Variants in STARD13 observed in about 807,000 individuals in gnomAD.
STARD13 encodes StAR related lipid transfer domain containing 13.
STARD13 carries 62 observed loss-of-function variants against 106.4 expected under a neutral mutation model. The observed-to-expected ratio is 0.58, with a 90% CI of 0.48 to 0.72. STARD13 has a LOEUF of 0.72. STARD13 is among the 30% of genes least tolerant of loss of function. The pLI is 0.00. For synonymous variants in STARD13, 565 were observed against 553.0 expected (o/e 1.02, Z -0.31); for missense variants, 1,387 against 1,424.0 (o/e 0.97, Z 0.42).
intron 1 of STARD13, among the ~76,000 whole-genome samples, chr13:33,333,294 A>G (rs1175995629): frequency 6.6e-6 from 1 of 152,128 alleles, no homozygotes; most frequent in South Asian, 2.1e-4. Context: ...AGGCTGAGGC[A>G]TGACAATAGC....
chr13:33,119,265 A>G (rs1313231455), intron 7 of STARD13, among the ~76,000 whole-genome samples: 1 of 152,166 alleles, frequency 6.6e-6, no homozygotes, highest in Non-Finnish European at 1.5e-5. Context: ...GCCTATAGGG[A>G]GTTGATTTGC....
the STARD13 span, among the ~76,000 whole-genome samples, chr13:33,537,857 T>G: frequency 6.6e-6 from 1 of 152,236 alleles, no homozygotes; most frequent in East Asian, 1.9e-4. Context: ...CCCTGATCTC[T>G]CAGCAAAAGG....
At chr13:33,650,826 C>T in the STARD13 span, among the ~76,000 whole-genome samples, 1 of 152,232 alleles carries the variant, frequency 6.6e-6, no homozygotes, top group Non-Finnish European at 1.5e-5. Context: ...AGCATGAGCT[C>T]CAGAGCCCGC....
chr13:33,223,600 A>G (rs1304619545), intron 1 of STARD13, among the ~76,000 whole-genome samples: 2 of 152,094 alleles, frequency 1.3e-5, no homozygotes, highest in African/African-American at 4.8e-5. Flanking sequence ...TGGAGGTTGC[A>G]GTGAGCTGAG....
chr13:33,502,423 T>G, the STARD13 span, among the ~76,000 whole-genome samples: 3 of 152,228 alleles, frequency 2.0e-5, no homozygotes, highest in Non-Finnish European at 4.4e-5. Context: ...AACACTATGT[T>G]GAATAGGAGT....
intron 1 of STARD13, among the ~76,000 whole-genome samples, chr13:33,274,591 C>A (rs1426547613): frequency 6.6e-6 from 1 of 152,250 alleles, no homozygotes; most frequent in East Asian, 1.9e-4. Context: ...TAGCACTAGC[C>A]TTTGGGCAAA....
intron 1 of STARD13, among the ~76,000 whole-genome samples, chr13:33,271,982 T>C (rs1486701055): frequency 6.6e-6 from 1 of 152,172 alleles, no homozygotes; most frequent in Non-Finnish European, 1.5e-5. Flanking sequence ...CTGTGTGACT[T>C]TGGGAAAGTT....
intron 12 of STARD13, among the ~76,000 whole-genome samples, chr13:33,108,216 T>G (rs1235248916): frequency 5.3e-5 from 8 of 152,226 alleles, no homozygotes; most frequent in Non-Finnish European, 2.9e-5. Flanking sequence ...TCATACATGC[T>G]AGCCTAGACT....
At chr13:33,362,279 G>A in the STARD13 span, among the ~76,000 whole-genome samples, 1 of 152,116 alleles carries the variant, frequency 6.6e-6, no homozygotes, top group African/African-American at 2.4e-5. Flanking sequence ...GGGACAACCA[G>A]CGCTTGTGTG....
At chr13:33,445,422 C>T in the STARD13 span, among the ~76,000 whole-genome samples, 19 of 152,074 alleles carry the variant, frequency 1.2e-4, no homozygotes, top group Non-Finnish European at 2.5e-4. Context: ...AAAGGTTAAT[C>T]ACTAGATTAC....
chr13:33,110,441 T>G (rs1180804982), intron 11 of STARD13, among the ~76,000 whole-genome samples: 2 of 152,152 alleles, frequency 1.3e-5, no homozygotes, highest in Non-Finnish European at 2.9e-5. Context: ...GTGTGTGACT[T>G]GCCCAACATC....
chr13:33,463,001 C>T, the STARD13 span, among the ~76,000 whole-genome samples: 1 of 152,204 alleles, frequency 6.6e-6, no homozygotes, highest in Admixed American at 6.5e-5. Flanking sequence ...CTCTGTATCT[C>T]TCAAAATGCC....
intron 3 of STARD13, among the ~76,000 whole-genome samples, chr13:33,155,235 T>G (rs1160476645): frequency 6.6e-6 from 1 of 152,050 alleles, no homozygotes; most frequent in African/African-American, 2.4e-5. Context: ...TCATGGTTGT[T>G]CCCCACCTCA....
intron 3 of STARD13, among the ~76,000 whole-genome samples, chr13:33,143,302 C>T (rs1880086475): frequency 6.6e-6 from 1 of 152,218 alleles, no homozygotes; most frequent in African/African-American, 2.4e-5. Context: ...CCACTGTGCC[C>T]AGCCCCTCTT....
At chr13:33,432,504 A>T in the STARD13 span, among the ~76,000 whole-genome samples, 2 of 152,194 alleles carry the variant, frequency 1.3e-5, no homozygotes, top group African/African-American at 4.8e-5. Context: ...ATAAGAAGTC[A>T]TTTAAATCTA....
At chr13:33,342,956 A>G (rs968104744) in intron 1 of STARD13, among the ~76,000 whole-genome samples, 4 of 152,192 alleles carry the variant, frequency 2.6e-5, no homozygotes, top group African/African-American at 9.6e-5. Flanking sequence ...CTTATCTGCA[A>G]TCTCTTCTAA....
chr13:33,611,717 G>A, the STARD13 span, among the ~76,000 whole-genome samples: 4 of 152,204 alleles, frequency 2.6e-5, no homozygotes. Flanking sequence ...TTGAATCCAT[G>A]CCCAGAGTCA....
intron 1 of STARD13, among the ~76,000 whole-genome samples, chr13:33,298,469 C>G (rs927485780): frequency 1.3e-5 from 2 of 151,844 alleles, no homozygotes; most frequent in Admixed American, 6.6e-5. Flanking sequence ...GAACGTTCAG[C>G]TTCTCAGGAG....
chr13:33,448,380 C>A, the STARD13 span, among the ~76,000 whole-genome samples: 1 of 152,150 alleles, frequency 6.6e-6, no homozygotes, highest in Non-Finnish European at 1.5e-5. Context: ...ATGTTCCTGA[C>A]TTATTTCACT....
Sources: allele counts gnomAD v4.1 joint callset (sites outside exome capture counted in the v4.1 genomes callset), GRCh38; gene constraint gnomAD v4.1.1; transcripts MANE v1.5; gene names NCBI Gene and HGNC (gene_info 2026-07-23, HGNC 2026-07-21).